ACBD6: variants seen among roughly 807,000 people sequenced by gnomAD.
ACBD6 encodes the protein acyl-CoA-binding domain-containing protein 6.
ACBD6 carries 28 observed loss-of-function variants against 37.2 expected under a neutral mutation model. That is an observed-to-expected ratio of 0.75 (90% CI 0.56 to 1.03). The LOEUF is 1.03. Ranked by LOEUF, ACBD6 falls within the 50% of genes least tolerant of loss-of-function variation. The pLI is 0.00. For missense variants in ACBD6, 340 were observed against 337.4 expected (o/e 1.01, Z -0.06); for synonymous variants, 113 against 126.8 (o/e 0.89, Z 0.73).
chr1:180,355,543 G>C (rs1187038933), intron 6 of ACBD6, among the ~76,000 whole-genome samples: 1 of 152,076 alleles, frequency 6.6e-6, no homozygotes, highest in Non-Finnish European at 1.5e-5. Flanking sequence ...CCATAGCTTT[G>C]AAGTCATGTT....
intron 6 of ACBD6, among the ~76,000 whole-genome samples, chr1:180,352,921 T>C (rs1652469881): frequency 6.6e-6 from 1 of 152,244 alleles, no homozygotes; most frequent in African/African-American, 2.4e-5. Flanking sequence ...GTTCGTGGTA[T>C]GTCAAGCTCA....
chr1:180,492,627 C>A (rs939209143), intron 2 of ACBD6, among the ~76,000 whole-genome samples: 1 of 152,066 alleles, frequency 6.6e-6, no homozygotes, highest in Non-Finnish European at 1.5e-5. Flanking sequence ...AGATACAATG[C>A]ATAGCTATTA....
intron 2 of ACBD6, among the ~76,000 whole-genome samples, 193 bp from the exon 3 acceptor site, chr1:180,492,558 A>T (rs1478547851): frequency 6.6e-6 from 1 of 152,234 alleles, no homozygotes; most frequent in Non-Finnish European, 1.5e-5. Context: ...GCCCTACCTA[A>T]GCAGTCTTTT....
chr1:180,473,866 A>G (rs1216983076), intron 3 of ACBD6, among the ~76,000 whole-genome samples: 2 of 152,122 alleles, frequency 1.3e-5, no homozygotes, highest in African/African-American at 4.8e-5. Context: ...CATCACCACC[A>G]CCAAAATAAG....
chr1:180,317,129 G>C (rs1345606630), intron 6 of ACBD6, among the ~76,000 whole-genome samples: 1 of 152,176 alleles, frequency 6.6e-6, no homozygotes, highest in Non-Finnish European at 1.5e-5. Context: ...AGATAGAAGT[G>C]TGCGCACACA....
At chr1:180,312,536 TATTTTGTTTTTC>T (rs1650634225) in intron 7 of ACBD6, among the ~76,000 whole-genome samples, 1 of 152,188 alleles carries the variant, frequency 6.6e-6, no homozygotes, top group Non-Finnish European at 1.5e-5. Context: ...ACCTTTTATT[TATTTTGTTTTTC>T]ATTTTGTGTT....
chr1:180,417,439 T>C (rs960495993), intron 4 of ACBD6, among the ~76,000 whole-genome samples: 1 of 152,222 alleles, frequency 6.6e-6, no homozygotes, highest in Non-Finnish European at 1.5e-5. Context: ...AGTTCATTCA[T>C]GAGGTCTCAT....
intron 4 of ACBD6, among the ~76,000 whole-genome samples, chr1:180,423,857 T>C (rs1648473729): frequency 6.6e-6 from 1 of 152,140 alleles, no homozygotes; most frequent in Admixed American, 6.5e-5. Flanking sequence ...TCCGCTTTCC[T>C]AAAAGTCTCT....
intron 1 of ACBD6, among the ~76,000 whole-genome samples, chr1:180,500,689 C>A (rs1651932630): frequency 1.5e-5 from 2 of 130,774 alleles, no homozygotes; most frequent in African/African-American, 3.0e-5. Context: ...AGCAAAACTC[C>A]ATCTCAAAAA....
intron 8 of ACBD6, among the ~76,000 whole-genome samples, chr1:180,282,539 AAAAC>A (rs1649343701): frequency 6.6e-6 from 1 of 152,198 alleles, no homozygotes; most frequent in South Asian, 2.1e-4. Flanking sequence ...TTATCTCAGA[AAAAC>A]AAACATCCAT....
At chr1:180,288,138 T>C (rs968097814), downstream of ACBD6, 37 of 528,448 alleles carry the variant, frequency 7.0e-5, no homozygotes, top group Non-Finnish European at 1.1e-4. Flanking sequence ...CTCAGCAGAA[T>C]TGGATTATAT....
downstream of ACBD6, chr1:180,287,272 G>C (rs1200504021): frequency 6.6e-6 from 1 of 151,826 alleles, no homozygotes. Flanking sequence ...GTGGTGGCAC[G>C]CACCTGTAGT....
At chr1:180,482,455 GAAGTT>G (rs1651089957) in intron 3 of ACBD6, among the ~76,000 whole-genome samples, 1 of 151,502 alleles carries the variant, frequency 6.6e-6, no homozygotes. Context: ...GAAGAGAAAT[GAAGTT>G]AATAATAAGA....
chr1:180,421,902 A>G (rs557584400), intron 4 of ACBD6, among the ~76,000 whole-genome samples: 33 of 151,990 alleles, frequency 2.2e-4, no homozygotes, highest in African/African-American at 8.0e-4. Flanking sequence ...TCTTGGTGAG[A>G]AGAAGTTGTT....
intron 4 of ACBD6, among the ~76,000 whole-genome samples, chr1:180,419,876 G>A (rs1030586550): frequency 6.6e-6 from 1 of 152,130 alleles, no homozygotes; most frequent in African/African-American, 2.4e-5. Flanking sequence ...GGTGAGGCAG[G>A]CACACTCAGT....
chr1:180,306,634 T>C (rs1041454173), intron 7 of ACBD6, among the ~76,000 whole-genome samples: 1 of 152,254 alleles, frequency 6.6e-6, no homozygotes, highest in Non-Finnish European at 1.5e-5. Context: ...TTATTGCATG[T>C]AGATGTAGCT....
chr1:180,419,733 GA>G (rs1648275059), intron 4 of ACBD6, among the ~76,000 whole-genome samples: 1 of 152,120 alleles, frequency 6.6e-6, no homozygotes, highest in African/African-American at 2.4e-5. Context: ...ATGTTACTAA[GA>G]AAATCATAAG....
chr1:180,418,674 C>G (rs1415683154), intron 4 of ACBD6, among the ~76,000 whole-genome samples: 3 of 152,156 alleles, frequency 2.0e-5, no homozygotes, highest in South Asian at 4.1e-4. Context: ...ACTTAGCACA[C>G]TGAAAACCCC....
chr1:180,359,361 GC>G (rs1025248529), intron 6 of ACBD6, among the ~76,000 whole-genome samples: 4 of 151,206 alleles, frequency 2.6e-5, no homozygotes, highest in Admixed American at 2.0e-4. Flanking sequence ...ATTTTTTTTG[GC>G]CCCCCTCTAT....
Sources: gnomAD v4.1 joint callset for allele counts (sites outside exome capture counted in the v4.1 genomes callset) on GRCh38, gnomAD v4.1.1 for gene constraint, MANE v1.5 for transcripts, NCBI Gene and HGNC (gene_info 2026-07-23, HGNC 2026-07-21) for gene names.